The following ZNF75A variants were observed in gnomAD, a reference collection of about 807,000 sequenced individuals.
The protein encoded by ZNF75A is zinc finger protein 75A.
Under a neutral mutation model 46.3 loss-of-function variants are expected in ZNF75A, and 36 were observed. The observed-to-expected ratio is 0.78, with a 90% CI of 0.60 to 1.03. ZNF75A has a LOEUF of 1.03. ZNF75A is among the 50% of genes least tolerant of loss of function. The pLI is 0.00. For synonymous variants in ZNF75A, 234 were observed against 189.9 expected, an observed-to-expected ratio of 1.23 and a Z score of -1.91; for missense variants, 595 against 551.3, an observed-to-expected ratio of 1.08 and a Z score of -0.79.
intron 5 of ZNF75A, 33 bp from the exon 6 acceptor site, chr16:3,316,879 C>A (rs745453633): frequency 4.2e-5 from 61 of 1,465,198 alleles, no homozygotes; most frequent in Non-Finnish European, 5.6e-5. Context: ...TGTTAAGTTA[C>A]CAGTCCTTGA....
chr16:3,313,782 C>A (rs1032894664), intron 5 of ZNF75A, among the ~76,000 whole-genome samples: 1 of 152,144 alleles, frequency 6.6e-6, no homozygotes, highest in Non-Finnish European at 1.5e-5. Flanking sequence ...TGGTCACTTA[C>A]ATTCAGAAAA....
In ZNF75A at chr16:3,308,369, T is replaced by C; in HGVS notation, c.-60T>C. The C allele has an allele frequency of 1.0e-6, 1 of 972,100 alleles. No individual in the cohort carries two copies. The highest frequency in any genetic ancestry group is 1.2e-6 in the Non-Finnish European group (1 of 817,390). The allele number at this position is 972,100 out of a possible 1,614,324, so 60.2% of individuals were successfully genotyped here. ...TTGTACAAGACCAGACAGGATCTCA[T>C]TTGTTAAACGTGGTACCAATTGGGT... On this transcript the variant is annotated 5_prime_UTR_variant, in exon 2 of 7. Transcript: ENST00000669516.
At chr16:3,305,841 G>T (rs1468276541) in intron 1 of ZNF75A, 198 bp downstream of exon 1, 2 of 152,240 alleles carry the variant, frequency 1.3e-5, no homozygotes. Context: ...CAGAGGCGCG[G>T]CTGAAGCTCG....
intron 2 of ZNF75A, among the ~76,000 whole-genome samples, chr16:3,311,099 G>T (rs1008771385): frequency 2.0e-5 from 3 of 152,028 alleles, no homozygotes; most frequent in Non-Finnish European, 1.5e-5. Flanking sequence ...CACAACTGTG[G>T]GATTGAAGTC....
chr16:3,306,888 A>G (rs574740606), intron 1 of ZNF75A: 16 of 152,134 alleles, frequency 1.1e-4, no homozygotes, highest in African/African-American at 3.1e-4. Context: ...CCCGCTGTCA[A>G]CTGCCATCCA....
At chr16:3,310,822 T>G in intron 2 of ZNF75A, 1 of 985,576 alleles carries the variant, frequency 1.0e-6, no homozygotes, top group Non-Finnish European at 1.2e-6. Flanking sequence ...TGCTTGTTCC[T>G]TGGCTCTGCT....
downstream of ZNF75A, chr16:3,323,242 C>G (rs1457374979): frequency 1.3e-5 from 10 of 774,566 alleles, no homozygotes; most frequent in Non-Finnish European, 2.3e-5. Context: ...CCAGATGTGC[C>G]CATCTCCTTG....
chr16:3,311,957 C>A lies in ZNF75A; in HGVS notation c.604+9C>A, dbSNP rs1960838535. 2 of 985,032 alleles carry A rather than the reference C, an allele frequency of 2.0e-6. No individual in the cohort carries two copies. Among genetic ancestry groups the A allele is most frequent in the South Asian group, 9.4e-5 (2 of 21,312 alleles). The allele number at this position is 985,032 out of a possible 1,614,324, so 61.0% of individuals were successfully genotyped here. On this transcript the variant is annotated intron_variant, in intron 3 of 6. Transcript: ENST00000669516. The stretch of plus-strand genomic sequence containing the variant: ...GCCTGTGTATGAGAGGGGTAAGGAG[C>A]TTCATGATAATTTTCTTCTCCTGGG...
rs180905687 is a variant in ZNF75A, at chr16:3,315,285, G to A, written c.824-1627G>A. 70 of 170,430 alleles carry A rather than the reference G, an allele frequency of 4.1e-4. No individual in the cohort carries two copies. In the East Asian group the frequency reaches 0.012, roughly 30 times the overall value. 10.6% of individuals were successfully genotyped at this position (170,430 alleles called of 1,614,324 possible). ...CAGCTCAGTGCAAGCTCTGCCTCCC[G>A]GGTTCATGCCATTCTCCTGCGTCAG... On this transcript the variant is annotated intron_variant, in intron 5 of 6. Coordinates refer to ENST00000669516, the MANE Select transcript of ZNF75A (RefSeq NM_001302109.2).
intron 5 of ZNF75A, chr16:3,314,601 C>G (rs1397356999): frequency 9.8e-6 from 9 of 917,076 alleles, no homozygotes; most frequent in Non-Finnish European, 1.2e-5. Context: ...TTTCTTCTGC[C>G]TTCGCCCCCG....
chr16:3,311,462 G>A (rs114019366), intron 2 of ZNF75A, among the ~76,000 whole-genome samples: 1,693 of 151,772 alleles, frequency 0.011, 34 homozygotes, highest in African/African-American at 0.038. Context: ...AAATGAGTGG[G>A]CTGCCCAACC....
At chr16:3,312,551 C>T (rs1312783186) in intron 3 of ZNF75A, 126 bp from the exon 4 acceptor site, 2 of 179,996 alleles carry the variant, frequency 1.1e-5, no homozygotes, top group East Asian at 3.8e-4. Flanking sequence ...CTGCTTCAGG[C>T]ATCACACACA....
In ZNF75A at chr16:3,317,030, T is replaced by C. The variant is rs1420524764; in HGVS notation, c.934+8T>C. The C allele has an allele frequency of 3.7e-6, 6 of 1,608,068 alleles. No individual in the cohort carries two copies. Among genetic ancestry groups the C allele is most frequent in the Admixed American group, 1.7e-5 (1 of 59,510 alleles). ...CCGGAAAATCTCCTACAGGTAAATA[T>C]ACCATGGGAAGTGGAGAAATGTGCC... On this transcript the variant is annotated splice_region_variant and intron_variant, in intron 6 of 6. Transcript: ENST00000669516.
At chr16:3,315,069 C>T (rs1462198363) in intron 5 of ZNF75A, 18 of 985,164 alleles carry the variant, frequency 1.8e-5, no homozygotes, top group Admixed American at 6.2e-5. Flanking sequence ...CCTTGTCCTA[C>T]GTGGAGATCT....
intron 1 of ZNF75A, chr16:3,307,001 G>C (rs1960320862): frequency 1.3e-5 from 2 of 151,262 alleles, no homozygotes; most frequent in African/African-American, 4.9e-5. Flanking sequence ...GCCCTGGCTG[G>C]AGTGCCGTGG....
intron 5 of ZNF75A, among the ~76,000 whole-genome samples, chr16:3,314,049 A>T (rs1007876204): frequency 6.6e-6 from 1 of 152,284 alleles, no homozygotes; most frequent in Non-Finnish European, 1.5e-5. Context: ...TATATCATGC[A>T]AGGGGAAAAA....
chr16:3,309,914 G>A (rs1288661780), intron 2 of ZNF75A, among the ~76,000 whole-genome samples: 1 of 151,728 alleles, frequency 6.6e-6, no homozygotes, highest in African/African-American at 2.4e-5. Flanking sequence ...GGAACATAGT[G>A]TGACCTTGTT....
At chr16:3,313,299 G>A (rs1960949690) in intron 5 of ZNF75A, 124 bp downstream of exon 5, 6 of 938,066 alleles carry the variant, frequency 6.4e-6, no homozygotes, top group Non-Finnish European at 9.6e-6. Context: ...ATGGTATAGG[G>A]GAGGGTGTAG....
At chr16:3,316,716 C>G in intron 5 of ZNF75A, 196 bp from the exon 6 acceptor site, 1 of 446,958 alleles carries the variant, frequency 2.2e-6, no homozygotes, top group Non-Finnish European at 4.0e-6. Flanking sequence ...AGATTTATTT[C>G]TTAGTCTCTG....
Sources: gnomAD v4.1 joint callset for allele counts (sites outside exome capture counted in the v4.1 genomes callset) on GRCh38, gnomAD v4.1.1 for gene constraint, MANE v1.5 for transcripts, NCBI Gene and HGNC (gene_info 2026-07-23, HGNC 2026-07-21) for gene names.